The following ASIC2 variants were observed in gnomAD, a reference collection of about 807,000 sequenced individuals.
ASIC2 encodes acid-sensing ion channel 2.
ASIC2 carries 25 observed loss-of-function variants against 57.3 expected under a neutral mutation model. The observed-to-expected ratio is 0.44, with a 90% CI of 0.32 to 0.61. The LOEUF is 0.61. Among genes scored for constraint, ASIC2 ranks in the 20% least tolerant of loss-of-function variants. The pLI, the probability that ASIC2 is intolerant of heterozygous loss-of-function variation, is 0.06. For missense variants in ASIC2, 641 were observed against 738.1 expected (o/e 0.87, Z 1.52); for synonymous variants, 319 against 307.5 (o/e 1.04, Z -0.39).
chr17:33,659,859 G>A (rs1445943650), intron 1 of ASIC2, among the ~76,000 whole-genome samples: 1 of 149,190 alleles, frequency 6.7e-6, no homozygotes, highest in Non-Finnish European at 1.5e-5. Context: ...GTGACAGAGC[G>A]AGACTCTGTC....
intron 1 of ASIC2, among the ~76,000 whole-genome samples, chr17:33,817,403 C>T (rs1182033859): frequency 6.6e-6 from 1 of 152,176 alleles, no homozygotes. Context: ...ACTCCCTCTG[C>T]CTACAGATGG....
intron 1 of ASIC2, among the ~76,000 whole-genome samples, chr17:33,721,019 C>A (rs1308925746): frequency 6.6e-6 from 1 of 152,046 alleles, no homozygotes; most frequent in Non-Finnish European, 1.5e-5. Context: ...AGTGCATTGT[C>A]CTGGAAAATA....
chr17:33,621,731 T>C (rs1337745506), intron 1 of ASIC2, among the ~76,000 whole-genome samples: 1 of 152,226 alleles, frequency 6.6e-6, no homozygotes, highest in Non-Finnish European at 1.5e-5. Context: ...TGGGGGCCTC[T>C]GTCACCAAAA....
intron 1 of ASIC2, among the ~76,000 whole-genome samples, chr17:33,151,807 G>C (rs139285690): frequency 6.6e-6 from 1 of 152,086 alleles, no homozygotes; most frequent in Non-Finnish European, 1.5e-5. Context: ...TCCCAGCCGC[G>C]GAACTGTAAG....
chr17:33,210,479 C>A (rs1306206823), intron 1 of ASIC2, among the ~76,000 whole-genome samples: 2 of 152,204 alleles, frequency 1.3e-5, no homozygotes, highest in South Asian at 2.1e-4. Context: ...ATCCCCTCCA[C>A]CCCCCAACCC....
intron 1 of ASIC2, among the ~76,000 whole-genome samples, chr17:33,331,476 T>C (rs1291177525): frequency 6.6e-6 from 1 of 152,220 alleles, no homozygotes; most frequent in African/African-American, 2.4e-5. Context: ...AAATCATAGC[T>C]ATTTCTTGTT....
At chr17:33,924,478 T>G (rs1597932090) in intron 1 of ASIC2, among the ~76,000 whole-genome samples, 2 of 152,234 alleles carry the variant, frequency 1.3e-5, no homozygotes, top group East Asian at 3.9e-4. Flanking sequence ...GAAAATGCAT[T>G]CATGCTAGGA....
At chr17:33,319,774 T>A (rs1294568142) in intron 1 of ASIC2, among the ~76,000 whole-genome samples, 1 of 152,210 alleles carries the variant, frequency 6.6e-6, no homozygotes, top group Non-Finnish European at 1.5e-5. Flanking sequence ...GCTCAAGCAA[T>A]TTACCCTCCT....
At chr17:33,946,171 T>A (rs1904369084) in intron 1 of ASIC2, among the ~76,000 whole-genome samples, 1 of 152,184 alleles carries the variant, frequency 6.6e-6, no homozygotes, top group Non-Finnish European at 1.5e-5. Context: ...CAGCTCAAGA[T>A]CCTGCACATA....
At chr17:33,038,497 C>A (rs16967916) in intron 3 of ASIC2, among the ~76,000 whole-genome samples, 7 of 151,856 alleles carry the variant, frequency 4.6e-5, no homozygotes, top group Non-Finnish European at 8.8e-5. Flanking sequence ...GTATAATGAA[C>A]ATGTAGGGTG....
chr17:33,152,385 G>C (rs925333565), intron 1 of ASIC2, among the ~76,000 whole-genome samples: 1 of 152,214 alleles, frequency 6.6e-6, no homozygotes, highest in South Asian at 2.1e-4. Context: ...TTCAGAGGTG[G>C]AGGAGATCCC....
chr17:33,139,501 C>A (rs2092379023), intron 1 of ASIC2, among the ~76,000 whole-genome samples: 1 of 152,172 alleles, frequency 6.6e-6, no homozygotes, highest in Admixed American at 6.5e-5. Context: ...TGGGCACAGC[C>A]CCCCACAACC....
chr17:33,439,535 C>G (rs1053259317), intron 1 of ASIC2, among the ~76,000 whole-genome samples: 2 of 152,156 alleles, frequency 1.3e-5, no homozygotes, highest in Non-Finnish European at 2.9e-5. Context: ...CCCCTCTATT[C>G]CCTGCTTCTT....
chr17:33,722,306 C>T (rs370725284), intron 1 of ASIC2, among the ~76,000 whole-genome samples: 14 of 152,280 alleles, frequency 9.2e-5, no homozygotes, highest in African/African-American at 3.4e-4. Context: ...TGAGGCCTCC[C>T]CAGCCATATG....
chr17:33,030,358 T>C (rs998398164), intron 3 of ASIC2, among the ~76,000 whole-genome samples: 2 of 152,184 alleles, frequency 1.3e-5, no homozygotes, highest in African/African-American at 2.4e-5. Context: ...TGTATATAAA[T>C]AGAATCAGAC....
intron 1 of ASIC2, among the ~76,000 whole-genome samples, chr17:33,414,123 C>T (rs1007989119): frequency 1.3e-5 from 2 of 152,142 alleles, no homozygotes; most frequent in African/African-American, 4.8e-5. Context: ...CTGCGAGGCT[C>T]TCCAACTTAA....
chr17:33,851,827 CTT>C (rs1913773698), intron 1 of ASIC2, among the ~76,000 whole-genome samples: 1 of 152,194 alleles, frequency 6.6e-6, no homozygotes, highest in African/African-American at 2.4e-5. Flanking sequence ...GACAATCAGT[CTT>C]TTAGGAACCT....
At chr17:33,642,456 A>T (rs1906604465) in intron 1 of ASIC2, among the ~76,000 whole-genome samples, 1 of 152,134 alleles carries the variant, frequency 6.6e-6, no homozygotes, top group African/African-American at 2.4e-5. Context: ...ACTCTGACAC[A>T]CTGTTTGTGA....
At chr17:33,464,328 T>G (rs1171470586) in intron 1 of ASIC2, among the ~76,000 whole-genome samples, 1 of 152,122 alleles carries the variant, frequency 6.6e-6, no homozygotes, top group Non-Finnish European at 1.5e-5. Context: ...TTGGATAATA[T>G]AGTGTGTGAA....
Sources: allele counts gnomAD v4.1 joint callset (sites outside exome capture counted in the v4.1 genomes callset), GRCh38; gene constraint gnomAD v4.1.1; transcripts MANE v1.5; gene names NCBI Gene and HGNC (gene_info 2026-07-23, HGNC 2026-07-21).